STXBP5L: variants seen among roughly 807,000 people sequenced by gnomAD.
STXBP5L encodes syntaxin binding protein 5L, also known as syntaxin-binding protein 5-like.
STXBP5L carries 65 observed loss-of-function variants against 144.5 expected under a neutral mutation model. That is an observed-to-expected ratio of 0.45 (90% CI 0.37 to 0.55). The LOEUF is 0.55. STXBP5L is among the 20% of genes least tolerant of loss of function. The probability of loss-of-function intolerance (pLI) is 0.00; values close to 1 mark genes in which losing one functional copy is unlikely to be tolerated. For synonymous variants in STXBP5L, 505 were observed against 469.6 expected, an observed-to-expected ratio of 1.08 and a Z score of -0.97; for missense variants, 1,298 against 1,405.5, an observed-to-expected ratio of 0.92 and a Z score of 1.22.
At chr3:121,252,823 C>T (rs1449345682) in intron 15 of STXBP5L, among the ~76,000 whole-genome samples, 1 of 152,144 alleles carries the variant, frequency 6.6e-6, no homozygotes, top group Non-Finnish European at 1.5e-5. Context: ...CAGGGTGTCA[C>T]AAGACTGTAA....
At chr3:121,292,384 A>T (rs945086031) in intron 19 of STXBP5L, among the ~76,000 whole-genome samples, 1 of 152,194 alleles carries the variant, frequency 6.6e-6, no homozygotes, top group Admixed American at 6.5e-5. Context: ...TAAAAATCAA[A>T]AATAATACAT....
chr3:121,096,021 T>A (rs1287548882), intron 5 of STXBP5L, among the ~76,000 whole-genome samples: 1 of 152,124 alleles, frequency 6.6e-6, no homozygotes, highest in Non-Finnish European at 1.5e-5. Context: ...GGCTAGGAAG[T>A]GCAATTCCCT....
At chr3:121,092,722 G>C (rs1472215037) in intron 5 of STXBP5L, among the ~76,000 whole-genome samples, 1 of 152,178 alleles carries the variant, frequency 6.6e-6, no homozygotes, top group Non-Finnish European at 1.5e-5. Flanking sequence ...TGCAAACAGG[G>C]ACAATTTGAC....
chr3:120,983,322 CAGTG>C (rs773348547), intron 3 of STXBP5L, among the ~76,000 whole-genome samples: 1 of 152,134 alleles, frequency 6.6e-6, no homozygotes, highest in Non-Finnish European at 1.5e-5. Flanking sequence ...AGGCGTCTCT[CAGTG>C]GGATCAGCAA....
At chr3:121,094,273 A>T (rs1367058413) in intron 5 of STXBP5L, among the ~76,000 whole-genome samples, 1 of 152,150 alleles carries the variant, frequency 6.6e-6, no homozygotes, top group Non-Finnish European at 1.5e-5. Context: ...AGAGTTCTGT[A>T]GATGTCTATT....
At position 121,322,620 on chromosome 3, in the gene STXBP5L, C is replaced by T. The variant is rs138684853; in HGVS notation, c.2176+4080C>T. ...GTCTTTTCTATTGTGTATAGTGTTG[C>T]AATGAACATATATGTGTATGTGTCT... On this transcript the variant is annotated intron_variant, in intron 20 of 26. Coordinates refer to ENST00000471454, the MANE Select transcript of STXBP5L (RefSeq NM_001308330.2). 3.3e-3 allele frequency among the ~76,000 whole-genome samples: 482 copies of T among 146,058 alleles called. 2 individuals carry two copies. Among genetic ancestry groups the T allele is most frequent in the Non-Finnish European group, 5.0e-3 (339 of 67,400 alleles).
chr3:120,973,218 G>C (rs555431064), intron 3 of STXBP5L, among the ~76,000 whole-genome samples: 1 of 151,882 alleles, frequency 6.6e-6, no homozygotes, highest in Admixed American at 6.6e-5. Flanking sequence ...ATTTTCGTAG[G>C]AGATTCTTAA....
chr3:121,315,281 T>C (rs1266652186), intron 19 of STXBP5L, among the ~76,000 whole-genome samples: 1 of 152,076 alleles, frequency 6.6e-6, no homozygotes, highest in African/African-American at 2.4e-5. Flanking sequence ...GTGGCACATA[T>C]ACACCATGGA....
chr3:121,240,324 A>T (rs2049626093), intron 13 of STXBP5L, 116 bp from the exon 14 acceptor site: 1 of 905,810 alleles, frequency 1.1e-6, no homozygotes, highest in Admixed American at 2.4e-5. Context: ...ATTCTTGATG[A>T]TTTTACACTT....
intron 3 of STXBP5L, among the ~76,000 whole-genome samples, chr3:120,969,990 C>G (rs752313743): frequency 5.2e-4 from 79 of 151,872 alleles, no homozygotes; most frequent in Admixed American, 1.8e-3. Flanking sequence ...ATGAGGCTTC[C>G]AAAAAATCAG....
intron 3 of STXBP5L, among the ~76,000 whole-genome samples, chr3:121,030,213 A>G (rs1459786645): frequency 6.6e-6 from 1 of 152,210 alleles, no homozygotes; most frequent in East Asian, 1.9e-4. Flanking sequence ...ATGCTGCTAT[A>G]AAGACACATG....
At chr3:121,041,590 A>T in intron 3 of STXBP5L, 110 bp from the exon 4 acceptor site, 2 of 775,306 alleles carry the variant, frequency 2.6e-6, no homozygotes, top group Non-Finnish European at 4.3e-6. Flanking sequence ...TATTTATAAA[A>T]ATAAGGGAAA....
chr3:121,321,067 G>A (rs1447330653), intron 20 of STXBP5L, among the ~76,000 whole-genome samples: 3 of 152,266 alleles, frequency 2.0e-5, no homozygotes, highest in South Asian at 2.1e-4. Flanking sequence ...TTGTTTCAAA[G>A]CAGGAAAATT....
intron 9 of STXBP5L, among the ~76,000 whole-genome samples, chr3:121,204,506 G>T (rs1388882213): frequency 1.3e-5 from 2 of 152,148 alleles, no homozygotes; most frequent in African/African-American, 4.8e-5. Flanking sequence ...CTTTAAACAA[G>T]TTGAATAAAG....
intron 9 of STXBP5L, among the ~76,000 whole-genome samples, chr3:121,165,539 C>A (rs576320903): frequency 2.6e-5 from 4 of 152,230 alleles, no homozygotes; most frequent in South Asian, 4.1e-4. Context: ...CATCTCTTTC[C>A]TTATCCTGCT....
intron 5 of STXBP5L, among the ~76,000 whole-genome samples, chr3:121,102,560 G>T (rs967973586): frequency 1.3e-5 from 2 of 151,944 alleles, no homozygotes; most frequent in Admixed American, 6.6e-5. Context: ...AACTCAAGAG[G>T]GTTTAAAGCT....
rs541426100 is a variant in STXBP5L, at chr3:121,026,834, C to A, written c.288-14866C>A. Among the ~76,000 whole-genome samples the A allele has an allele frequency of 1.6e-4, 25 of 151,756 alleles. No individual in the cohort carries two copies. The South Asian group carries it at 5.2e-3, about 31-fold the overall frequency. On this transcript the variant is annotated intron_variant, in intron 3 of 26. Transcript: ENST00000471454. ...CACGTTGTGCACATGTACCCTAAAACTTAAAGTATTATTAAAAAATATATA... is the reference window on the plus strand; with the variant it reads ...CACGTTGTGCACATGTACCCTAAAAATTAAAGTATTATTAAAAAATATATA...
chr3:120,987,157 A>G (rs1324423484), intron 3 of STXBP5L, among the ~76,000 whole-genome samples: 1 of 152,018 alleles, frequency 6.6e-6, no homozygotes, highest in Non-Finnish European at 1.5e-5. Context: ...TCAAGCAAAG[A>G]AAGAATCCTG....
At chr3:120,995,649 T>C (rs1275477609) in intron 3 of STXBP5L, among the ~76,000 whole-genome samples, 1 of 152,252 alleles carries the variant, frequency 6.6e-6, no homozygotes, top group East Asian at 1.9e-4. Flanking sequence ...TTTTTACTCT[T>C]AGTGAGGCAT....
Sources: gnomAD v4.1 joint callset for allele counts (sites outside exome capture counted in the v4.1 genomes callset) on GRCh38, gnomAD v4.1.1 for gene constraint, MANE v1.5 for transcripts, NCBI Gene and HGNC (gene_info 2026-07-23, HGNC 2026-07-21) for gene names.